CBY3: variants seen among roughly 807,000 people sequenced by gnomAD.
CBY3 encodes chibby family member 3.
In CBY3, 7 loss-of-function variants were observed where a neutral mutation model predicts 3.0. That is an observed-to-expected ratio of 2.32 (90% CI 1.32 to 4.35). CBY3 has a LOEUF of 4.35. Among genes scored for constraint, CBY3 ranks in the 30% most tolerant of loss-of-function variants. The pLI, the probability that CBY3 is intolerant of heterozygous loss-of-function variation, is 0.00. For synonymous variants in CBY3, 170 were observed against 154.5 expected (o/e 1.10, Z -0.74); for missense variants, 400 against 336.4 (o/e 1.19, Z -1.48).
At position 179,681,018 on chromosome 5, in the gene CBY3, G is replaced by A. The variant is rs1389703555; in HGVS notation, c.-100C>T. ...CTGGAAGATGGGGTGGAGTTGCTGAGCTGCTGTCCCAGGGCTAGTCCCATC... is the reference window on the plus strand; with the variant it reads ...CTGGAAGATGGGGTGGAGTTGCTGAACTGCTGTCCCAGGGCTAGTCCCATC... On this transcript the variant is annotated 5_prime_UTR_variant, in exon 1 of 2. Coordinates refer to ENST00000376974, the MANE Select transcript of CBY3 (RefSeq NM_001164444.2). The A allele has an allele frequency of 9.4e-7, 1 of 1,065,538 alleles. No individual in the cohort carries two copies. The highest frequency in any genetic ancestry group is 2.0e-5 in the Admixed American group (1 of 49,478). The allele number at this position is 1,065,538 out of a possible 1,614,324, so 66.0% of individuals were successfully genotyped here. A position where few individuals can be genotyped will look rare whatever the true frequency, so the allele number is the denominator to read the frequency against.
At position 179,678,951 on chromosome 5, in the gene CBY3, C is replaced by G. The variant is rs1206650029; in HGVS notation, c.361G>C (p.Gly121Arg). Residue 121 changes from glycine to arginine, a missense_variant, in exon 2 of 2, where the codon GGC (glycine) becomes CGC (arginine). Transcript: ENST00000376974. ...TRQAELGLAYGAPCMRLSNQA... is the reference protein window; with the variant it reads ...TRQAELGLAYRAPCMRLSNQA... The stretch of plus-strand genomic sequence containing the variant: ...TTGCTGAGGCGCATGCACGGCGCGC[C>G]GTAGGCGAGGCCCAGCTCGGCCTGG... 2.0e-6 allele frequency: 3 copies of G among 1,535,474 alleles called. No homozygotes were observed. The highest frequency in any genetic ancestry group is 3.9e-5 in the Admixed American group (2 of 50,896).
rs1251673290 is a variant in CBY3, at chr5:179,679,666, C to CT, written c.47-402dup. ...AAGAGCCGAGCAGGGCTTTCTTTTTCTTTTTTTTTGAGACTGAGTCTCGCT... is the reference window on the plus strand; with the variant it reads ...AAGAGCCGAGCAGGGCTTTCTTTTTCTTTTTTTTTTGAGACTGAGTCTCGCT... On this transcript the variant is annotated intron_variant, in intron 1 of 1. Coordinates refer to ENST00000376974, the MANE Select transcript of CBY3 (RefSeq NM_001164444.2). 4.4e-3 allele frequency among the ~76,000 whole-genome samples: 667 copies of CT among 151,134 alleles called. 5 individuals are homozygous for CT. Among genetic ancestry groups the CT allele is most frequent in the African/African-American group, 0.014 (594 of 41,262 alleles).
At position 179,679,304 on chromosome 5, in the gene CBY3, C is replaced by T. The variant is rs1037460299; in HGVS notation, c.47-39G>A. On this transcript the variant is annotated intron_variant, in intron 1 of 1. Coordinates refer to ENST00000376974, the MANE Select transcript of CBY3 (RefSeq NM_001164444.2). ...GTCCGGGTGAGCAGCGTGCTTGGTA[C>T]AGGCCGCCTCTCAAACCGCGAGGCC... 19 of 1,449,432 alleles carry T rather than the reference C, an allele frequency of 1.3e-5. No homozygotes were observed. The East Asian group carries it at 3.7e-4, about 29-fold the overall frequency. The allele number at this position is 1,449,432 out of a possible 1,614,324, so 89.8% of individuals were successfully genotyped here. A position where few individuals can be genotyped will look rare whatever the true frequency, so the allele number is the denominator to read the frequency against.
chr5:179,680,551 A>AT (rs781179517), intron 1 of CBY3, among the ~76,000 whole-genome samples: 21 of 152,092 alleles, frequency 1.4e-4, no homozygotes, highest in Non-Finnish European at 3.1e-4. Flanking sequence ...GGCTAGACCT[A>AT]TGCATAGGGC....
In CBY3 at chr5:179,678,666, C is replaced by G. The variant is rs1266783368; in HGVS notation, c.646G>C (p.Ala216Pro). 3.9e-6 allele frequency: 6 copies of G among 1,535,398 alleles called. No homozygotes were observed. In the Admixed American group the frequency reaches 1.2e-4, roughly 30 times the overall value. ...PEVIPTAAAR[A>P]GQRKMRKRAG... ...CGCTTGCGCATCTTCCTCTGCCCGG[C>G]GCGCGCCGCAGCCGTCGGGATCACC... is the stretch of plus-strand genomic sequence containing the variant. Residue 216 changes from alanine to proline, a missense_variant, in exon 2 of 2, where the codon GCC becomes CCC. Physicochemically the swap from Ala to Pro is conservative, Grantham distance 27. Transcript: ENST00000376974.
rs1776047276 is a variant in CBY3 at position 179,680,905 on chromosome 5, C to T, written c.14G>A (p.Arg5Lys). 6.5e-7 allele frequency: 1 copy of T among 1,536,720 alleles called. No homozygotes were observed. Among genetic ancestry groups the T allele is most frequent in the Non-Finnish European group, 8.7e-7 (1 of 1,146,794 alleles). Residue 5 changes from arginine (R) to lysine (K), a missense_variant, in exon 1 of 2, where the codon AGA (arginine) becomes AAA (lysine). Coordinates refer to ENST00000376974, the MANE Select transcript of CBY3 (RefSeq NM_001164444.2). MWASRDHLPEPDLGD... is the reference protein window; with the variant it reads MWASKDHLPEPDLGD... ...AAGATCTGGTTCAGGGAGATGGTCTCTGGAAGCCCACATCCAGGCCCACCC... is the reference window on the plus strand; with the variant it reads ...AAGATCTGGTTCAGGGAGATGGTCTTTGGAAGCCCACATCCAGGCCCACCC...
chr5:179,680,992 C>T lies in CBY3; in HGVS notation c.-74G>A. The T allele has an allele frequency of 7.5e-7, 1 of 1,337,552 alleles. No individual in the cohort carries two copies. Among genetic ancestry groups the T allele is most frequent in the Non-Finnish European group, 1.0e-6 (1 of 968,010 alleles). 82.9% of individuals were successfully genotyped at this position (1,337,552 alleles called of 1,614,324 possible). The stretch of plus-strand genomic sequence containing the variant: ...AGTCCTCACTGTATGTTGTGCCTCA[C>T]CTGGAAGATGGGGTGGAGTTGCTGA... On this transcript the variant is annotated 5_prime_UTR_variant, in exon 1 of 2. In the 5' UTR this introduces an upstream ATG that the reference lacks. Coordinates refer to ENST00000376974, the MANE Select transcript of CBY3 (RefSeq NM_001164444.2).
Position 179,678,910 on chromosome 5 carries a change from GA to G in CBY3, c.401del (p.Phe134SerfsTer46), listed in dbSNP as rs1389991791. On this transcript the variant is annotated frameshift_variant, in exon 2 of 2. Transcript: ENST00000376974. LOFTEE classifies it low-confidence loss of function (END_TRUNC). ...TCTCAGTGGTCCACCGCCCGCCGCG[GA>G]ACACGAAGGCCTGGTTGCTGAGGCG... is the stretch of plus-strand genomic sequence containing the variant. ...CMRLSNQAFV[F>X]RGGRWTTESQ... 1 of 1,535,050 alleles carries G rather than the reference GA, an allele frequency of 6.5e-7. No individual in the cohort carries two copies. The highest frequency in any genetic ancestry group is 1.2e-5 in the South Asian group (1 of 83,914).
chr5:179,678,672 C>T lies in CBY3; in HGVS notation c.640G>A (p.Ala214Thr), dbSNP rs1775965802. The T allele has an allele frequency of 1.3e-6, 2 of 1,535,550 alleles. No individual in the cohort carries two copies. The highest frequency in any genetic ancestry group is 1.4e-5 in the African/African-American group (1 of 73,008). ...CGCATCTTCCTCTGCCCGGCGCGCG[C>T]CGCAGCCGTCGGGATCACCTCGGGG... is the stretch of plus-strand genomic sequence containing the variant. ...RNPEVIPTAA[A>T]RAGQRKMRKR... The change falls in exon 2 of 2, where the codon GCG becomes ACG. Residue 214 changes from alanine to threonine, a missense_variant. Physicochemically the swap from Ala to Thr is moderately conservative, Grantham distance 58. Transcript: ENST00000376974.
intron 1 of CBY3, among the ~76,000 whole-genome samples, chr5:179,679,907 A>G (rs1041995635): frequency 5.5e-5 from 8 of 144,186 alleles, no homozygotes; most frequent in Non-Finnish European, 1.0e-4. Flanking sequence ...GATCCACCCA[A>G]CTCGGCCTCC....
chr5:179,680,964 G>A lies in CBY3; in HGVS notation c.-46C>T, dbSNP rs565820572. Reference sequence around the variant, plus strand: ...GTATCTTCTCGGAGGATGTTTCCCCGTTAGTCCTCACTGTATGTTGTGCCT... The same window carrying A: ...GTATCTTCTCGGAGGATGTTTCCCCATTAGTCCTCACTGTATGTTGTGCCT... On this transcript the variant is annotated 5_prime_UTR_variant, in exon 1 of 2. It adds an upstream start codon to the 5' untranslated region. Transcript: ENST00000376974. 19 of 1,493,238 alleles carry A rather than the reference G, an allele frequency of 1.3e-5. No homozygotes were observed. The highest frequency in any genetic ancestry group is 7.2e-5 in the South Asian group (6 of 83,128). 92.5% of individuals were successfully genotyped at this position (1,493,238 alleles called of 1,614,324 possible). A position where few individuals can be genotyped will look rare whatever the true frequency, so the allele number is the denominator to read the frequency against.
chr5:179,680,776 GAA>G (rs1266131376), intron 1 of CBY3, 95 bp downstream of exon 1: 3 of 927,364 alleles, frequency 3.2e-6, no homozygotes, highest in Non-Finnish European at 3.3e-6. Context: ...AGTGAGAAGA[GAA>G]AGAACTAGAG....
Position 179,678,947 on chromosome 5 carries a change from G to A in CBY3, c.365C>T (p.Ala122Val). 7 of 1,535,252 alleles carry A rather than the reference G, an allele frequency of 4.6e-6. No homozygotes were observed. The highest frequency in any genetic ancestry group is 6.1e-6 in the Non-Finnish European group (7 of 1,145,940). The change falls in exon 2 of 2, where the codon GCG becomes GTG. Residue 122 changes from alanine (A) to valine (V), a missense_variant. Physicochemically the swap from Ala to Val is moderately conservative, Grantham distance 64. Coordinates refer to ENST00000376974, the MANE Select transcript of CBY3 (RefSeq NM_001164444.2). ...CTGGTTGCTGAGGCGCATGCACGGC[G>A]CGCCGTAGGCGAGGCCCAGCTCGGC... ...RQAELGLAYGAPCMRLSNQAF... is the reference protein window; with the variant it reads ...RQAELGLAYGVPCMRLSNQAF...
At position 179,679,109 on chromosome 5, in the gene CBY3, TG is replaced by T; in HGVS notation, c.202del (p.His68MetfsTer112). 1.3e-6 allele frequency: 2 copies of T among 1,535,698 alleles called. No individual in the cohort carries two copies. The highest frequency in any genetic ancestry group is 1.7e-6 in the Non-Finnish European group (2 of 1,146,746). The part of the protein sequence containing the change: ...LATFECSATS[H>X]ASRLWQTLQQ... ...CAGCGTCTGCCACAGGCGGCTGGCA[TG>T]GCTCGTAGCCGAGCACTCGAAGGTT... is the stretch of plus-strand genomic sequence containing the variant. On this transcript the variant is annotated frameshift_variant, in exon 2 of 2. Coordinates refer to ENST00000376974, the MANE Select transcript of CBY3 (RefSeq NM_001164444.2). LOFTEE classifies it low-confidence loss of function (END_TRUNC).
intron 1 of CBY3, among the ~76,000 whole-genome samples, chr5:179,680,338 A>G (rs1776031062): frequency 1.3e-5 from 2 of 152,146 alleles, no homozygotes; most frequent in Admixed American, 1.3e-4. Context: ...TATCTAGCAT[A>G]GCCAACAGCA....
In CBY3 at chr5:179,679,282, C is replaced by G. The variant is rs1315555011; in HGVS notation, c.47-17G>C. 6.0e-6 allele frequency: 9 copies of G among 1,509,140 alleles called. No individual in the cohort carries two copies. Among genetic ancestry groups the G allele is most frequent in the Non-Finnish European group, 7.9e-6 (9 of 1,132,732 alleles). 93.5% of individuals were successfully genotyped at this position (1,509,140 alleles called of 1,614,324 possible). A position where few individuals can be genotyped will look rare whatever the true frequency, so the allele number is the denominator to read the frequency against. ...GGGGCGCTGCTGGGAGACAAGAGTC[C>G]GGGTGAGCAGCGTGCTTGGTACAGG... On this transcript the variant is annotated splice_polypyrimidine_tract_variant and intron_variant, in intron 1 of 1. Transcript: ENST00000376974.
At position 179,679,208 on chromosome 5, in the gene CBY3, C is replaced by A. The variant is rs1301394585; in HGVS notation, c.104G>T (p.Arg35Leu). Reference sequence around the variant, plus strand: ...TCGGGAGCGCTGGCGACTCGTGCTGCGCTCTTGTCTCGGGAGCCCGGATGT... The same window carrying A: ...TCGGGAGCGCTGGCGACTCGTGCTGAGCTCTTGTCTCGGGAGCCCGGATGT... ...FWTSGLPRQE[R>L]STSRQRSRGS... Residue 35 changes from arginine (R) to leucine (L), a missense_variant, in exon 2 of 2, where the codon CGC becomes CTC. Transcript: ENST00000376974. 2 of 1,534,354 alleles carry A rather than the reference C, an allele frequency of 1.3e-6. No homozygotes were observed. The highest frequency in any genetic ancestry group is 1.7e-6 in the Non-Finnish European group (2 of 1,146,642).
Position 179,680,902 on chromosome 5 carries a change from TC to T in CBY3, c.16del (p.Asp6ThrfsTer174). On this transcript the variant is annotated frameshift_variant, in exon 1 of 2. Coordinates refer to ENST00000376974, the MANE Select transcript of CBY3 (RefSeq NM_001164444.2). LOFTEE classifies it low-confidence loss of function (END_TRUNC). MWASR[D>X]HLPEPDLGDA... ...CCCAAGATCTGGTTCAGGGAGATGG[TC>T]TCTGGAAGCCCACATCCAGGCCCAC... 1 of 1,536,846 alleles carries T rather than the reference TC, an allele frequency of 6.5e-7. No individual in the cohort carries two copies. Among genetic ancestry groups the T allele is most frequent in the Non-Finnish European group, 8.7e-7 (1 of 1,146,792 alleles).
chr5:179,678,621 C>A lies in CBY3; in HGVS notation c.691G>T (p.Val231Leu). The change falls in exon 2 of 2, where the codon GTG becomes TTG. Residue 231 changes from valine to leucine, a missense_variant. Val to Leu is a conservative substitution (Grantham distance 32). Coordinates refer to ENST00000376974, the MANE Select transcript of CBY3 (RefSeq NM_001164444.2). ...AGAGCGCACGGCTGGATCATGAGCA[C>A]GCCCGCGCTGGCGCCTGCGCGCTTG... Reference protein sequence around the residue: ...MRKRAGASAGVLMIQPCALDS... With the variant: ...MRKRAGASAGLLMIQPCALDS... 6.5e-7 allele frequency: 1 copy of A among 1,532,112 alleles called. No individual in the cohort carries two copies. Among genetic ancestry groups the A allele is most frequent in the Non-Finnish European group, 8.7e-7 (1 of 1,143,776 alleles). 94.9% of individuals were successfully genotyped at this position (1,532,112 alleles called of 1,614,324 possible). A position where few individuals can be genotyped will look rare whatever the true frequency, so the allele number is the denominator to read the frequency against.
Sources: gnomAD v4.1 joint callset for allele counts (sites outside exome capture counted in the v4.1 genomes callset) on GRCh38, gnomAD v4.1.1 for gene constraint, MANE v1.5 for transcripts, NCBI Gene and HGNC (gene_info 2026-07-23, HGNC 2026-07-21) for gene names.